The following XRCC6 variants were observed in gnomAD, a reference collection of about 807,000 sequenced individuals.
XRCC6 encodes DNA repair protein Ku70.
Under a neutral mutation model 65.7 loss-of-function variants are expected in XRCC6, and 5 were observed. The ratio of observed to expected loss-of-function variants is 0.08; its 90% confidence interval spans 0.04 to 0.16. The LOEUF (loss-of-function observed/expected upper bound fraction) is 0.16. XRCC6 is among the 10% of genes least tolerant of loss of function. The pLI is 1.00. For missense variants in XRCC6, 447 were observed against 738.1 expected, an observed-to-expected ratio of 0.61 and a Z score of 4.57; for synonymous variants, 270 against 270.6, an observed-to-expected ratio of 1.00 and a Z score of 0.02.
chr22:41,649,126 C>CAAAAAA (rs1335320703), intron 7 of XRCC6, among the ~76,000 whole-genome samples: 191 of 90,058 alleles, frequency 2.1e-3, no homozygotes, highest in Middle Eastern at 5.4e-3. Context: ...GAAGAGAGTA[C>CAAAAAA]AAAAAAAAAA....
At chr22:41,647,581 C>A (rs959648426) in intron 7 of XRCC6, among the ~76,000 whole-genome samples, 150 of 134,130 alleles carry the variant, frequency 1.1e-3, no homozygotes, top group South Asian at 2.0e-3. Flanking sequence ...AACTCCGTCT[C>A]AAAAAAAAAA....
intron 5 of XRCC6, 59 bp downstream of exon 5, chr22:41,636,829 ATTTTT>A (rs938075812): frequency 1.3e-6 from 2 of 1,561,204 alleles, no homozygotes; most frequent in Non-Finnish European, 1.7e-6. Context: ...TTTATTTTTT[ATTTTT>A]TTAGGAGTTC....
At chr22:41,657,987 C>T (rs1309425600) in intron 10 of XRCC6, among the ~76,000 whole-genome samples, 1 of 152,034 alleles carries the variant, frequency 6.6e-6, no homozygotes, top group East Asian at 1.9e-4. Context: ...ACATGCCTGG[C>T]TGATTTTTAA....
intron 7 of XRCC6, 128 bp from the exon 8 acceptor site, chr22:41,650,595 C>T: frequency 3.4e-6 from 3 of 891,946 alleles, no homozygotes; most frequent in Non-Finnish European, 5.2e-6. Flanking sequence ...AAGGAGGATG[C>T]CCCAGGTGAG....
chr22:41,627,913 G>T (rs1047545113), intron 2 of XRCC6, among the ~76,000 whole-genome samples: 7 of 152,020 alleles, frequency 4.6e-5, no homozygotes, highest in Admixed American at 3.3e-4. Context: ...TTGGGGAGGT[G>T]GGTGTTGTAA....
At chr22:41,644,369 T>G (rs1288306891) in intron 6 of XRCC6, among the ~76,000 whole-genome samples, 1 of 152,200 alleles carries the variant, frequency 6.6e-6, no homozygotes, top group African/African-American at 2.4e-5. Flanking sequence ...CTAGAGAATG[T>G]TCTATGTGCT....
At chr22:41,657,560 C>A (rs1377052582) in intron 10 of XRCC6, among the ~76,000 whole-genome samples, 2 of 148,876 alleles carry the variant, frequency 1.3e-5, no homozygotes, top group Non-Finnish European at 3.0e-5. Context: ...CTCTTGTCAC[C>A]CAGGTTTGAT....
At chr22:41,648,558 A>G (rs1242895264) in intron 7 of XRCC6, among the ~76,000 whole-genome samples, 3 of 152,204 alleles carry the variant, frequency 2.0e-5, no homozygotes, top group Non-Finnish European at 2.9e-5. Flanking sequence ...TGCAGGACGC[A>G]GAACATTGTC....
chr22:41,636,254 C>G lies in XRCC6; in HGVS notation c.334+3C>G, dbSNP rs374096033. On this transcript the variant is annotated splice_donor_region_variant and intron_variant, in intron 4 of 12. Transcript: ENST00000360079. ...CTTACAGGAGCTGGATAATCCAGGT[C>G]AGTAATATTTTAAGATCAGCTTTTC... 6.3e-7 allele frequency: 1 copy of G among 1,581,032 alleles called. No homozygotes were observed. Among genetic ancestry groups the G allele is most frequent in the African/African-American group, 1.4e-5 (1 of 72,608 alleles).
intron 12 of XRCC6, among the ~76,000 whole-genome samples, chr22:41,662,850 A>C (rs1417604372): frequency 6.6e-6 from 1 of 152,086 alleles, no homozygotes; most frequent in Non-Finnish European, 1.5e-5. Flanking sequence ...TGGGAGCCTG[A>C]GGTGGGCGGA....
At chr22:41,651,716 C>G (rs933271589) in intron 8 of XRCC6, among the ~76,000 whole-genome samples, 1 of 151,316 alleles carries the variant, frequency 6.6e-6, no homozygotes, top group African/African-American at 2.4e-5. Flanking sequence ...TTAGTAGAGA[C>G]GAGGTTTCAC....
chr22:41,622,391 G>A (rs1473759792), intron 2 of XRCC6, among the ~76,000 whole-genome samples: 2 of 152,092 alleles, frequency 1.3e-5, no homozygotes, highest in East Asian at 1.9e-4. Context: ...TCTCATCCAG[G>A]AAAGTAGTGT....
chr22:41,622,271 T>C (rs2067616717), intron 2 of XRCC6, among the ~76,000 whole-genome samples, 185 bp downstream of exon 2: 2 of 152,232 alleles, frequency 1.3e-5, no homozygotes, highest in Admixed American at 6.5e-5. Context: ...CTTACTCTAG[T>C]GTGCCCTAAG....
chr22:41,647,322 C>T (rs1400574763), intron 7 of XRCC6, among the ~76,000 whole-genome samples: 1 of 152,042 alleles, frequency 6.6e-6, no homozygotes, highest in Non-Finnish European at 1.5e-5. Flanking sequence ...GTGGCTCATG[C>T]CTGTAATCCC....
chr22:41,652,885 G>C (rs1052588371), intron 8 of XRCC6, among the ~76,000 whole-genome samples: 2 of 151,414 alleles, frequency 1.3e-5, no homozygotes, highest in African/African-American at 4.9e-5. Context: ...TACTGGCCAG[G>C]TTGGTCTCGA....
intron 9 of XRCC6, among the ~76,000 whole-genome samples, chr22:41,655,715 GT>G (rs11434965): frequency 7.4e-5 from 11 of 148,914 alleles, no homozygotes; most frequent in South Asian, 2.1e-4. Flanking sequence ...AAAAAAAATA[GT>G]TTTTTCCCCC....
rs1389523070 is a variant in XRCC6, at chr22:41,653,542, G to T, written c.1143G>T (p.Leu381=). ...EESLVIGSST[L]FSALLIKCLE... Reference sequence around the variant, plus strand: ...TTTGTTTTCTAGGGAGCTCAACCCTGTTCAGTGCTCTGCTCATCAAGTGTC... The same window carrying T: ...TTTGTTTTCTAGGGAGCTCAACCCTTTTCAGTGCTCTGCTCATCAAGTGTC... Residue 381 remains leucine (L), a synonymous_variant, in exon 9 of 13, where the codon CTG becomes CTT. Coordinates refer to ENST00000360079, the MANE Select transcript of XRCC6 (RefSeq NM_001469.5). 1.2e-6 allele frequency: 2 copies of T among 1,610,474 alleles called. No homozygotes were observed. Among genetic ancestry groups the T allele is most frequent in the Admixed American group, 1.7e-5 (1 of 59,954 alleles).
intron 11 of XRCC6, among the ~76,000 whole-genome samples, chr22:41,660,303 T>C (rs559122225): frequency 6.6e-6 from 1 of 152,364 alleles, no homozygotes; most frequent in East Asian, 1.9e-4. Context: ...TTTCCTGTCA[T>C]ACTTGCTCCC....
chr22:41,631,891 C>T (rs1263105831), intron 3 of XRCC6, among the ~76,000 whole-genome samples: 2 of 152,144 alleles, frequency 1.3e-5, no homozygotes, highest in Non-Finnish European at 2.9e-5. Flanking sequence ...CTCCGGAGGC[C>T]GAGGCTGGCG....
Sources: gnomAD v4.1 joint callset for allele counts (sites outside exome capture counted in the v4.1 genomes callset) on GRCh38, gnomAD v4.1.1 for gene constraint, MANE v1.5 for transcripts, NCBI Gene and HGNC (gene_info 2026-07-23, HGNC 2026-07-21) for gene names.